ZNF577: variants seen among roughly 807,000 people sequenced by gnomAD.
The protein encoded by ZNF577 is zinc finger protein 577.
A neutral mutation model predicts 13.9 loss-of-function variants in ZNF577; 14 were observed. That is an observed-to-expected ratio of 1.00 (90% confidence interval 0.66 to 1.57). ZNF577 has a LOEUF of 1.57. Among genes scored for constraint, ZNF577 ranks in the 40% most tolerant of loss-of-function variants. The pLI is 0.00. For missense variants in ZNF577, 555 were observed against 579.2 expected, an observed-to-expected ratio of 0.96 and a Z score of 0.43; for synonymous variants, 203 against 202.9, an observed-to-expected ratio of 1.00 and a Z score of 0.00.
At chr19:51,851,123 T>C (rs540132079) in intron 5 of ZNF577, among the ~76,000 whole-genome samples, 2 of 152,356 alleles carry the variant, frequency 1.3e-5, no homozygotes, top group South Asian at 4.1e-4. Flanking sequence ...TTACAATCTT[T>C]ATAAGGTATC....
chr19:51,855,367 C>CTGTGTGTGTGTGTG (rs55937420), intron 5 of ZNF577, among the ~76,000 whole-genome samples: 237 of 143,552 alleles, frequency 1.7e-3, no homozygotes, highest in African/African-American at 4.6e-3. Context: ...GCTGAGGGTG[C>CTGTGTGTGTGTGTG]TGTGTGTGTG....
At chr19:51,814,396 G>A (rs1340786117) in intron 9 of ZNF577, among the ~76,000 whole-genome samples, 1 of 152,200 alleles carries the variant, frequency 6.6e-6, no homozygotes, top group Non-Finnish European at 1.5e-5. Flanking sequence ...ATCTCCCTCT[G>A]GAGCAGAAGG....
chr19:51,886,925 C>G lies in ZNF577; in HGVS notation c.-323G>C, dbSNP rs2084955367. The G allele has an allele frequency of 6.6e-6, 1 of 151,932 alleles. No individual in the cohort carries two copies. Among genetic ancestry groups the G allele is most frequent in the African/African-American group, 2.4e-5 (1 of 41,338 alleles). The allele number at this position is 151,932 out of a possible 1,614,324, so 9.4% of individuals were successfully genotyped here. On this transcript the variant is annotated 5_prime_UTR_variant, in exon 1 of 6. Coordinates refer to ENST00000638348, the MANE Select transcript of ZNF577 (RefSeq NM_001370449.1). ...CAAAAATGCTCAACTAGAAAAAAGA[C>G]GTCAATTTATAAGTTATATGTAATG...
At chr19:51,866,253 A>G (rs1323641988), downstream of ZNF577, among the ~76,000 whole-genome samples, 1 of 151,948 alleles carries the variant, frequency 6.6e-6, no homozygotes, top group Non-Finnish European at 1.5e-5. Flanking sequence ...GAACTGACAC[A>G]CTTTCAGCTC....
intron 10 of ZNF577, among the ~76,000 whole-genome samples, chr19:51,810,621 G>A (rs2084089808): frequency 6.6e-6 from 1 of 152,094 alleles, no homozygotes; most frequent in African/African-American, 2.4e-5. Context: ...TGTTTAGCCT[G>A]GTCTGCACAC....
chr19:51,884,206 G>A (rs2084907814), intron 1 of ZNF577, among the ~76,000 whole-genome samples: 1 of 152,142 alleles, frequency 6.6e-6, no homozygotes, highest in Non-Finnish European at 1.5e-5. Flanking sequence ...GAGCCCAGGA[G>A]TTCAAGACCA....
In ZNF577 at chr19:51,873,165, A is replaced by G. The variant is rs199635445; in HGVS notation, c.825T>C (p.Cys275=). 1 of 1,614,098 alleles carries G rather than the reference A, an allele frequency of 6.2e-7. No individual in the cohort carries two copies. Among genetic ancestry groups the G allele is most frequent in the East Asian group, 2.2e-5 (1 of 44,878 alleles). Reference sequence around the variant, plus strand: ...ATGCCTTCTGAGAAAAGGCTTTCCCACACACACTGCACCCATAGAGTTTCT... The same window carrying G: ...ATGCCTTCTGAGAAAAGGCTTTCCCGCACACACTGCACCCATAGAGTTTCT... ...TGEKLYGCSV[C]GKAFSQKAYL... The change falls in exon 6 of 6, where the codon TGT becomes TGC. Residue 275 remains cysteine, a synonymous_variant. Transcript: ENST00000638348.
intron 9 of ZNF577, among the ~76,000 whole-genome samples, chr19:51,827,189 T>G (rs987542170): frequency 6.6e-6 from 1 of 152,226 alleles, no homozygotes; most frequent in African/African-American, 2.4e-5. Context: ...GAAGGCCTAC[T>G]ATCATCCTTG....
At position 51,824,609 on chromosome 19, in the gene ZNF577, A is replaced by G. The variant is rs775696576; in HGVS notation, c.*600-12935T>C. 3 of 1,614,184 alleles carry G rather than the reference A, an allele frequency of 1.9e-6. No individual in the cohort carries two copies. The highest frequency in any genetic ancestry group is 2.5e-6 in the Non-Finnish European group (3 of 1,180,020). ...TCATTCTTGTCCTGATTAACCCAAC[A>G]AGCTCCTTGGCCTTTTTTAACAGCT... On this transcript the variant is annotated intron_variant and NMD_transcript_variant, in intron 9 of 10. Coordinates refer to the ZNF577 transcript ENST00000638827. This position sits in a 1 kb window ranked among gnomAD's most constrained non-coding sequence, Gnocchi z 4.7.
At chr19:51,866,255 T>C (rs369613575), downstream of ZNF577, among the ~76,000 whole-genome samples, 11 of 152,114 alleles carry the variant, frequency 7.2e-5, no homozygotes, top group East Asian at 1.9e-3. Flanking sequence ...ACTGACACAC[T>C]TTCAGCTCGG....
At chr19:51,884,172 GA>G (rs1229161065) in intron 1 of ZNF577, among the ~76,000 whole-genome samples, 4 of 152,176 alleles carry the variant, frequency 2.6e-5, no homozygotes, top group Non-Finnish European at 5.9e-5. Flanking sequence ...AGCACTTTGG[GA>G]AGCCGAGGCA....
In ZNF577 at chr19:51,877,326, G is replaced by T; in HGVS notation, c.239C>A (p.Pro80His). 1 of 1,614,058 alleles carries T rather than the reference G, an allele frequency of 6.2e-7. No individual in the cohort carries two copies. Among genetic ancestry groups the T allele is most frequent in the Non-Finnish European group, 8.5e-7 (1 of 1,179,996 alleles). ...GGCTGCTCCTTCTGCTATCCCTGGG[G>T]GTTCTCCTTGCTCCAACTTGAAGAG... ...DSLFKLEQGE[P>H]PGIAEGAAHS... Residue 80 changes from proline (P) to histidine (H), a missense_variant, in exon 5 of 6, where the codon CCC becomes CAC. By Grantham distance (77) the Pro-to-His change is moderately conservative (BLOSUM62 -2). Coordinates refer to ENST00000638348, the MANE Select transcript of ZNF577 (RefSeq NM_001370449.1).
At position 51,824,118 on chromosome 19, in the gene ZNF577, T is replaced by A. The variant is rs1452241960; in HGVS notation, c.*600-12444A>T. 4 of 1,613,926 alleles carry A rather than the reference T, an allele frequency of 2.5e-6. No homozygotes were observed. The highest frequency in any genetic ancestry group is 1.3e-5 in the African/African-American group (1 of 74,940). On this transcript the variant is annotated intron_variant and NMD_transcript_variant, in intron 9 of 10. Transcript: ENST00000638827. The surrounding 1 kb of genome is among the most constrained non-coding windows in gnomAD (Gnocchi z 4.7). ...GATCACCATCATTGCTCTGGACCGCTGTATTTGTGTCCTGCATCCAGCCTG... is the reference window on the plus strand; with the variant it reads ...GATCACCATCATTGCTCTGGACCGCAGTATTTGTGTCCTGCATCCAGCCTG...
At chr19:51,846,471 G>A (rs960619944) in intron 5 of ZNF577, among the ~76,000 whole-genome samples, 1 of 152,098 alleles carries the variant, frequency 6.6e-6, no homozygotes, top group Non-Finnish European at 1.5e-5. Flanking sequence ...TCTTTGGGAG[G>A]CCGAGGCCGG....
downstream of ZNF577, among the ~76,000 whole-genome samples, chr19:51,864,650 C>T (rs4439873): frequency 7.1e-3 from 1,073 of 152,098 alleles, 3 homozygotes; most frequent in Non-Finnish European, 0.011. Context: ...ATGAGTGAAA[C>T]GGTGAAGCAA....
chr19:51,880,484 G>C (rs2084844887), intron 2 of ZNF577, 83 bp from the exon 3 acceptor site: 7 of 1,221,128 alleles, frequency 5.7e-6, no homozygotes, highest in Non-Finnish European at 8.4e-6. Flanking sequence ...CCGACATTAA[G>C]AACTTTCACA....
rs912156345 is a variant in ZNF577 at position 51,813,809 on chromosome 19, C to T, written c.*600-2135G>A. Among the ~76,000 whole-genome samples the T allele has an allele frequency of 2.6e-5, 4 of 152,182 alleles. No individual in the cohort carries two copies. In the South Asian group the frequency reaches 6.2e-4, roughly 24 times the overall value. On this transcript the variant is annotated intron_variant and NMD_transcript_variant, in intron 9 of 10. Transcript: ENST00000638827. ...TCGGCCTCCCAAAGTGCTGGGATTA[C>T]AGGCATAAGCCACCGCAGCTGGCCG...
intron 9 of ZNF577, among the ~76,000 whole-genome samples, chr19:51,817,229 T>C (rs1020648016): frequency 1.3e-5 from 2 of 152,226 alleles, no homozygotes; most frequent in Admixed American, 1.3e-4. Flanking sequence ...GCAAAGTCTC[T>C]GCTGAAGCCT....
At chr19:51,878,207 A>T (rs1160182087) in intron 4 of ZNF577, 182 bp downstream of exon 4, 11 of 516,606 alleles carry the variant, frequency 2.1e-5, no homozygotes, top group Middle Eastern at 5.9e-4. Context: ...GCGCGAATGC[A>T]TTTAACCCAC....
Sources: gnomAD v4.1 joint callset for allele counts (sites outside exome capture counted in the v4.1 genomes callset) on GRCh38, gnomAD v4.1.1 for gene constraint, Gnocchi (gnomAD v3.1) non-coding constraint, MANE v1.5 for transcripts, NCBI Gene and HGNC (gene_info 2026-07-23, HGNC 2026-07-21) for gene names.